The following SPATA13 variants were observed in gnomAD, a reference collection of about 807,000 sequenced individuals.
The protein encoded by SPATA13 is spermatogenesis-associated protein 13.
A neutral mutation model predicts 104.0 loss-of-function variants in SPATA13; 50 were observed. The observed-to-expected ratio is 0.48, with a 90% CI of 0.38 to 0.61. The LOEUF (loss-of-function observed/expected upper bound fraction) is 0.61. SPATA13 is among the 20% of genes least tolerant of loss of function. The probability of loss-of-function intolerance (pLI) is 0.00; values close to 1 mark genes in which losing one functional copy is unlikely to be tolerated. For missense variants in SPATA13, 1,524 were observed against 1,690.6 expected (o/e 0.90, Z 1.73); for synonymous variants, 606 against 667.5 (o/e 0.91, Z 1.42).
At chr13:24,266,913 T>C (rs1172285939) in intron 4 of SPATA13, among the ~76,000 whole-genome samples, 1 of 152,044 alleles carries the variant, frequency 6.6e-6, no homozygotes, top group Middle Eastern at 3.2e-3. Flanking sequence ...CTCCTCAGCC[T>C]CCCAAAGTGC....
At chr13:24,002,958 T>G (rs1876049703) in intron 2 of SPATA13, among the ~76,000 whole-genome samples, 1 of 152,124 alleles carries the variant, frequency 6.6e-6, no homozygotes, top group South Asian at 2.1e-4. Context: ...TTTCTGAATG[T>G]GGGGGGTGAA....
At chr13:24,283,805 G>C (rs1015868485) in intron 4 of SPATA13, among the ~76,000 whole-genome samples, 1 of 152,160 alleles carries the variant, frequency 6.6e-6, no homozygotes, top group African/African-American at 2.4e-5. Context: ...CACATTGCTT[G>C]GCAGCATTGT....
chr13:24,086,508 T>C (rs908135401), intron 3 of SPATA13, among the ~76,000 whole-genome samples: 1 of 151,696 alleles, frequency 6.6e-6, no homozygotes, highest in Admixed American at 6.6e-5. Context: ...GGGAAAAATA[T>C]GAAAGAAAGG....
intron 2 of SPATA13, among the ~76,000 whole-genome samples, chr13:24,230,863 T>A (rs778057345): frequency 9.2e-5 from 14 of 152,098 alleles, no homozygotes; most frequent in South Asian, 4.1e-4. Context: ...ACTCTGTAAG[T>A]GGTGGAAAGT....
chr13:24,070,235 G>A (rs1004477238), intron 3 of SPATA13, among the ~76,000 whole-genome samples: 6 of 152,162 alleles, frequency 3.9e-5, no homozygotes, highest in Admixed American at 1.3e-4. Context: ...TGGTTTGCAC[G>A]GTAAACATGA....
intron 1 of SPATA13, among the ~76,000 whole-genome samples, chr13:24,215,084 C>T (rs1017736119): frequency 2.6e-5 from 4 of 152,322 alleles, no homozygotes; most frequent in Non-Finnish European, 5.9e-5. Flanking sequence ...CAATGAGAAC[C>T]TCCACCTCTA....
At chr13:24,056,785 C>A (rs1280082158) in intron 3 of SPATA13, among the ~76,000 whole-genome samples, 2 of 152,074 alleles carry the variant, frequency 1.3e-5, no homozygotes, top group African/African-American at 4.8e-5. Flanking sequence ...CGTTGCTGTG[C>A]GTGTCTGATA....
At chr13:24,143,206 T>G (rs935002606) in intron 3 of SPATA13, among the ~76,000 whole-genome samples, 5 of 152,180 alleles carry the variant, frequency 3.3e-5, no homozygotes. Flanking sequence ...AGAGAAAGCC[T>G]GCAGACAAGG....
At chr13:24,202,097 A>T (rs1160472782) in intron 1 of SPATA13, among the ~76,000 whole-genome samples, 1 of 65,024 alleles carries the variant, frequency 1.5e-5, no homozygotes, top group African/African-American at 5.4e-5. Flanking sequence ...TAAATAAATA[A>T]ATAAATAAAT....
chr13:24,059,070 T>C (rs921298604), intron 3 of SPATA13, among the ~76,000 whole-genome samples: 5 of 151,710 alleles, frequency 3.3e-5, no homozygotes, highest in African/African-American at 1.2e-4. Context: ...CTCCTGGGTT[T>C]ACGCCATTCT....
At chr13:24,158,353 G>T (rs549748573), upstream of SPATA13, among the ~76,000 whole-genome samples, 2 of 152,314 alleles carry the variant, frequency 1.3e-5, no homozygotes, top group South Asian at 4.1e-4. Context: ...CACTGCGGGA[G>T]ACCTAGGCTT....
At chr13:24,261,686 G>A (rs1290650494) in intron 4 of SPATA13, among the ~76,000 whole-genome samples, 2 of 152,146 alleles carry the variant, frequency 1.3e-5, no homozygotes, top group East Asian at 3.9e-4. Context: ...GCTTCCAGGT[G>A]TGAGAGTGGT....
chr13:24,116,706 G>T (rs1034534641), intron 3 of SPATA13, among the ~76,000 whole-genome samples: 1 of 152,192 alleles, frequency 6.6e-6, no homozygotes, highest in Non-Finnish European at 1.5e-5. Flanking sequence ...TGCAGCATTA[G>T]GGGTTCACCA....
At chr13:24,034,182 A>G (rs1299758027) in intron 3 of SPATA13, 1 of 152,220 alleles carries the variant, frequency 6.6e-6, no homozygotes, top group African/African-American at 2.4e-5. Context: ...AATTCCTGGA[A>G]TTATGGTCTT....
At chr13:24,082,826 C>CAAAAAAAAAAAAAAAA (rs3075296) in intron 3 of SPATA13, among the ~76,000 whole-genome samples, 1 of 50,044 alleles carries the variant, frequency 2.0e-5, no homozygotes, top group Non-Finnish European at 3.3e-5. Context: ...GACTCCGTCT[C>CAAAAAAAAAAAAAAAA]AAAAAAAAAA....
intron 3 of SPATA13, among the ~76,000 whole-genome samples, chr13:24,079,350 G>C (rs942131225): frequency 1.3e-5 from 2 of 152,200 alleles, no homozygotes; most frequent in East Asian, 1.9e-4. Flanking sequence ...CAGAGCTGAG[G>C]GGGTGACATG....
chr13:24,302,876 A>T lies in SPATA13; in HGVS notation c.*103A>T. 6.8e-7 allele frequency: 1 copy of T among 1,478,432 alleles called. No homozygotes were observed. Among genetic ancestry groups the T allele is most frequent in the Non-Finnish European group, 9.3e-7 (1 of 1,073,546 alleles). The allele number at this position is 1,478,432 out of a possible 1,614,324, so 91.6% of individuals were successfully genotyped here. On this transcript the variant is annotated 3_prime_UTR_variant, in exon 13 of 13. Transcript: ENST00000382108. ...GAAAGTTTCTTGGACCCAGTGATAA[A>T]AACTTCCTTTTAGGGATCAATGAAG...
At chr13:24,282,171 G>A (rs1371981049) in intron 4 of SPATA13, among the ~76,000 whole-genome samples, 3 of 151,734 alleles carry the variant, frequency 2.0e-5, no homozygotes, top group East Asian at 1.9e-4. Context: ...ATGGTGGGGG[G>A]TGGGAGTCTG....
Position 24,161,163 on chromosome 13 carries a change from G to A in SPATA13, c.-112+231G>A, listed in dbSNP as rs1177228627. On this transcript the variant is annotated intron_variant, in intron 1 of 12. Coordinates refer to ENST00000382108, the MANE Select transcript of SPATA13 (RefSeq NM_001166271.3). This position sits in a 1 kb window ranked among gnomAD's most constrained non-coding sequence, Gnocchi z 4.5. ...TGGCTCTGCGCCCTCTGGGCCACCC[G>A]GCACCATCGCTTTTGGGAGGACATG... 4.6e-5 allele frequency among the ~76,000 whole-genome samples: 7 copies of A among 151,900 alleles called. No homozygotes were observed. The highest frequency in any genetic ancestry group is 8.8e-5 in the Non-Finnish European group (6 of 67,970).
Sources: allele counts gnomAD v4.1 joint callset (sites outside exome capture counted in the v4.1 genomes callset), GRCh38; gene constraint gnomAD v4.1.1; non-coding constraint Gnocchi (gnomAD v3.1); transcripts MANE v1.5; gene names NCBI Gene and HGNC (gene_info 2026-07-23, HGNC 2026-07-21).